CLSTN2: variants seen among roughly 807,000 people sequenced by gnomAD.
CLSTN2 encodes the protein calsyntenin-2.
A neutral mutation model predicts 101.2 loss-of-function variants in CLSTN2; 48 were observed. That is an observed-to-expected ratio of 0.47 (90% CI 0.38 to 0.60). CLSTN2 has a LOEUF of 0.60. Among genes scored for constraint, CLSTN2 ranks in the 20% least tolerant of loss-of-function variants. The pLI is 0.00. For missense variants in CLSTN2, 1,160 were observed against 1,238.2 expected (o/e 0.94, Z 0.95); for synonymous variants, 481 against 463.6 (o/e 1.04, Z -0.48).
chr3:140,006,130 G>A (rs1057108547), intron 1 of CLSTN2, among the ~76,000 whole-genome samples: 3 of 152,142 alleles, frequency 2.0e-5, no homozygotes, highest in African/African-American at 7.2e-5. Flanking sequence ...GAGGTTTTGT[G>A]GTTTCTCAGT....
intron 5 of CLSTN2, among the ~76,000 whole-genome samples, chr3:140,441,217 C>A (rs535607202): frequency 2.0e-5 from 3 of 152,192 alleles, no homozygotes; most frequent in Non-Finnish European, 2.9e-5. Context: ...GCTGTGGGAC[C>A]TTCAGTAAGT....
At chr3:140,250,327 A>G (rs1456312888) in intron 2 of CLSTN2, among the ~76,000 whole-genome samples, 4 of 152,162 alleles carry the variant, frequency 2.6e-5, no homozygotes, top group African/African-American at 9.6e-5. Flanking sequence ...CCATACATCA[A>G]GGCCTTCCAA....
At chr3:140,490,990 C>T (rs888855614) in intron 8 of CLSTN2, among the ~76,000 whole-genome samples, 2 of 152,188 alleles carry the variant, frequency 1.3e-5, no homozygotes, top group Non-Finnish European at 2.9e-5. Context: ...ACATTGGAAA[C>T]CTGTTCATTA....
In CLSTN2 at chr3:140,367,280, C is replaced by T. The variant is rs1012225859; in HGVS notation, c.233-36349C>T. Among the ~76,000 whole-genome samples the T allele has an allele frequency of 5.3e-5, 8 of 151,850 alleles. No homozygotes were observed. In the Middle Eastern group the frequency reaches 0.01, roughly 194 times the overall value. ...CTGTAATCCCAGCACTTTTGGAGGC[C>T]GAGGTGGGCAGATCATGAGGTCAAG... On this transcript the variant is annotated intron_variant, in intron 2 of 16. Coordinates refer to ENST00000458420, the MANE Select transcript of CLSTN2 (RefSeq NM_022131.3).
intron 2 of CLSTN2, among the ~76,000 whole-genome samples, chr3:140,332,119 G>A (rs2087388582): frequency 6.6e-6 from 1 of 152,188 alleles, no homozygotes; most frequent in Non-Finnish European, 1.5e-5. Context: ...CCCTCTATCA[G>A]CCCAGGGGGC....
chr3:140,388,255 A>G (rs1576544339), intron 2 of CLSTN2, among the ~76,000 whole-genome samples: 1 of 152,264 alleles, frequency 6.6e-6, no homozygotes, highest in Admixed American at 6.5e-5. Context: ...GACTGTAAAT[A>G]ATGAAAATGA....
At chr3:140,410,805 G>A (rs1194808106) in intron 4 of CLSTN2, among the ~76,000 whole-genome samples, 1 of 152,090 alleles carries the variant, frequency 6.6e-6, no homozygotes, top group African/African-American at 2.4e-5. Context: ...AATATAAAAT[G>A]GGAATAAAAG....
intron 1 of CLSTN2, among the ~76,000 whole-genome samples, chr3:140,097,619 T>C (rs2008890820): frequency 6.6e-6 from 1 of 152,214 alleles, no homozygotes; most frequent in African/African-American, 2.4e-5. Flanking sequence ...TGCTTTCGAA[T>C]TTTAGAAAAG....
chr3:140,176,327 G>A (rs1232540354), intron 2 of CLSTN2, among the ~76,000 whole-genome samples: 1 of 152,172 alleles, frequency 6.6e-6, no homozygotes, highest in Non-Finnish European at 1.5e-5. Context: ...CTAAGGAGTG[G>A]TAAATTGCTG....
intron 1 of CLSTN2, among the ~76,000 whole-genome samples, chr3:140,038,288 C>T (rs2007697468): frequency 6.6e-6 from 1 of 152,156 alleles, no homozygotes; most frequent in South Asian, 2.1e-4. Context: ...TTGCATTTCT[C>T]TAATGATCAG....
chr3:139,974,432 A>G (rs1935774839), intron 1 of CLSTN2, among the ~76,000 whole-genome samples: 1 of 152,086 alleles, frequency 6.6e-6, no homozygotes, highest in Non-Finnish European at 1.5e-5. Flanking sequence ...GCTCCAGGGG[A>G]GTGATATACC....
intron 1 of CLSTN2, among the ~76,000 whole-genome samples, chr3:139,938,124 A>G (rs1935060146): frequency 2.9e-5 from 4 of 136,010 alleles, no homozygotes; most frequent in African/African-American, 1.1e-4. Context: ...GGTTCATACC[A>G]TTGTTATTCC....
At chr3:140,562,753 C>G in intron 13 of CLSTN2, 58 bp from the exon 14 acceptor site, 2 of 1,588,132 alleles carry the variant, frequency 1.3e-6, no homozygotes, top group Admixed American at 1.7e-5. Context: ...CTTGTCTCCT[C>G]TCTTCTCTTC....
rs75501723 is a variant in CLSTN2, at chr3:140,010,536, C to T, written c.109+75053C>T. On this transcript the variant is annotated intron_variant, in intron 1 of 16. Coordinates refer to ENST00000458420, the MANE Select transcript of CLSTN2 (RefSeq NM_022131.3). The stretch of plus-strand genomic sequence containing the variant: ...TTTCCAGGTTTACATCTTGCTCTTT[C>T]CTGATAATTCCATCAAACATCCTAG... Among the ~76,000 whole-genome samples, 17 of 152,292 alleles carry T rather than the reference C, an allele frequency of 1.1e-4. No individual in the cohort carries two copies. In the East Asian group the frequency reaches 3.3e-3, roughly 29 times the overall value.
chr3:140,303,509 T>G (rs997159730), intron 2 of CLSTN2, among the ~76,000 whole-genome samples: 17 of 150,946 alleles, frequency 1.1e-4, no homozygotes, highest in African/African-American at 4.0e-4. Context: ...ATCATTCCAG[T>G]TTTTTTTCCA....
intron 8 of CLSTN2, among the ~76,000 whole-genome samples, chr3:140,521,350 A>C (rs1483028038): frequency 6.6e-6 from 1 of 151,984 alleles, no homozygotes; most frequent in East Asian, 1.9e-4. Flanking sequence ...TTTTCTTTTA[A>C]CAGTCAGTCA....
At chr3:140,564,899 G>A (rs1313477793) in intron 16 of CLSTN2, among the ~76,000 whole-genome samples, 1 of 152,196 alleles carries the variant, frequency 6.6e-6, no homozygotes, top group Admixed American at 6.5e-5. Flanking sequence ...TCTGGTTGAT[G>A]ATAGACACAG....
intron 9 of CLSTN2, among the ~76,000 whole-genome samples, chr3:140,546,130 GCCA>G (rs1033237647): frequency 6.6e-6 from 1 of 152,170 alleles, no homozygotes; most frequent in Non-Finnish European, 1.5e-5. Flanking sequence ...TGAAAACAAT[GCCA>G]CCACATCATT....
intron 2 of CLSTN2, among the ~76,000 whole-genome samples, chr3:140,339,768 G>T (rs921160852): frequency 2.0e-5 from 3 of 152,156 alleles, no homozygotes; most frequent in Non-Finnish European, 4.4e-5. Flanking sequence ...CACATGACAT[G>T]GTTAATGAAC....
Sources: allele counts gnomAD v4.1 joint callset (sites outside exome capture counted in the v4.1 genomes callset), GRCh38; gene constraint gnomAD v4.1.1; transcripts MANE v1.5; gene names NCBI Gene and HGNC (gene_info 2026-07-23, HGNC 2026-07-21).